Variants in ADAM19 observed in about 807,000 individuals in gnomAD.
ADAM19 encodes disintegrin and metalloproteinase domain-containing protein 19.
Under a neutral mutation model 114.7 loss-of-function variants are expected in ADAM19, and 65 were observed. The observed-to-expected ratio is 0.57, with a 90% CI of 0.46 to 0.70. The LOEUF is 0.70. Ranked by LOEUF, ADAM19 falls within the 30% of genes least tolerant of loss-of-function variation. The pLI is 0.00. For synonymous variants in ADAM19, 466 were observed against 460.5 expected, an observed-to-expected ratio of 1.01 and a Z score of -0.15; for missense variants, 1,063 against 1,204.7, an observed-to-expected ratio of 0.88 and a Z score of 1.74.
rs1317023857 is a variant in ADAM19, at chr5:157,512,459, A to G, written c.738+975T>C. Among the ~76,000 whole-genome samples, 3 of 152,242 alleles carry G rather than the reference A, an allele frequency of 2.0e-5. No homozygotes were observed. In the East Asian group the frequency reaches 5.8e-4, roughly 29 times the overall value. ...TGTTATGAGTATTCTAAAATTGTGC[A>G]ATAAACGTTACCAGATTCTCAAAGA... On this transcript the variant is annotated intron_variant, in intron 8 of 22. Coordinates refer to ENST00000257527, the MANE Select transcript of ADAM19 (RefSeq NM_033274.5).
At chr5:157,498,686 A>ATGTG (rs202157195) in intron 13 of ADAM19, among the ~76,000 whole-genome samples, 9 of 98,090 alleles carry the variant, frequency 9.2e-5, no homozygotes, top group Non-Finnish European at 1.7e-4. Context: ...ACATGTGTGT[A>ATGTG]TGTATATATA....
chr5:157,494,802 G>C lies in ADAM19; in HGVS notation c.1595-7C>G. The stretch of plus-strand genomic sequence containing the variant: ...TCAGGGGCAGGTCGGGCTCCTGGGT[G>C]GGCAAGCAACATCTATCAGTATACT... On this transcript the variant is annotated splice_region_variant and splice_polypyrimidine_tract_variant and intron_variant, in intron 14 of 22. Transcript: ENST00000257527. 1 of 1,612,170 alleles carries C rather than the reference G, an allele frequency of 6.2e-7. No individual in the cohort carries two copies. The highest frequency in any genetic ancestry group is 8.5e-7 in the Non-Finnish European group (1 of 1,178,486).
At chr5:157,522,118 G>A (rs1364381195) in intron 5 of ADAM19, among the ~76,000 whole-genome samples, 1 of 152,200 alleles carries the variant, frequency 6.6e-6, no homozygotes. Context: ...AGATTATAGA[G>A]CCTTTGCTAT....
In ADAM19 at chr5:157,479,313, A is replaced by G; in HGVS notation, c.*1636T>C. On this transcript the variant is annotated 3_prime_UTR_variant, in exon 23 of 23. Coordinates refer to ENST00000257527, the MANE Select transcript of ADAM19 (RefSeq NM_033274.5). The stretch of plus-strand genomic sequence containing the variant: ...GCACCTATTGTGTGCAGAGAACTAT[A>G]AGGAGGCCCTGGGGTGGTGAATCAG... 1.0e-6 allele frequency: 1 copy of G among 985,910 alleles called. No homozygotes were observed. Among genetic ancestry groups the G allele is most frequent in the Non-Finnish European group, 1.2e-6 (1 of 830,006 alleles). 61.1% of individuals were successfully genotyped at this position (985,910 alleles called of 1,614,324 possible).
intron 14 of ADAM19, among the ~76,000 whole-genome samples, chr5:157,495,252 C>T (rs996404223): frequency 1.1e-4 from 17 of 152,076 alleles, no homozygotes; most frequent in East Asian, 1.9e-4. Context: ...CCCCCCGCCT[C>T]GGCCTCCCAA....
At position 157,505,825 on chromosome 5, in the gene ADAM19, G is replaced by C; in HGVS notation, c.991-17C>G. 6.2e-7 allele frequency: 1 copy of C among 1,611,770 alleles called. No individual in the cohort carries two copies. Among genetic ancestry groups the C allele is most frequent in the Non-Finnish European group, 8.5e-7 (1 of 1,178,212 alleles). ...GGAGTGGTCCTGCTCAGAAGACAGA[G>C]TTGAGGTCAAGGTCAAGGGGACAGA... is the stretch of plus-strand genomic sequence containing the variant. On this transcript the variant is annotated splice_polypyrimidine_tract_variant and intron_variant, in intron 10 of 22. Transcript: ENST00000257527.
rs1755842112 is a variant in ADAM19 at position 157,509,328 on chromosome 5, T to C, written c.878A>G (p.Lys293Arg). ...LSWRRKLLAQ[K>R]YHDNAQLITG... ...GATTAATTGGGCGTTGTCATGGTACTTCTGGGCAAGCAGCTTGCGCCTCCA... is the reference window on the plus strand; with the variant it reads ...GATTAATTGGGCGTTGTCATGGTACCTCTGGGCAAGCAGCTTGCGCCTCCA... The change falls in exon 9 of 23, where the codon AAG becomes AGG. Residue 293 changes from lysine to arginine, a missense_variant. Transcript: ENST00000257527. The C allele has an allele frequency of 2.5e-6, 4 of 1,611,684 alleles. No homozygotes were observed. Among genetic ancestry groups the C allele is most frequent in the Middle Eastern group, 1.6e-4 (1 of 6,076 alleles).
At chr5:157,533,452 G>A (rs547485795) in intron 4 of ADAM19, among the ~76,000 whole-genome samples, 8 of 152,222 alleles carry the variant, frequency 5.3e-5, no homozygotes, top group African/African-American at 7.2e-5. Flanking sequence ...CAACCTACCC[G>A]TGGGATCTGG....
intron 8 of ADAM19, among the ~76,000 whole-genome samples, chr5:157,512,456 T>A (rs369473849): frequency 1.3e-5 from 2 of 152,198 alleles, no homozygotes; most frequent in Non-Finnish European, 2.9e-5. Flanking sequence ...TCTAAAATTG[T>A]GCAATAAACG....
rs1411610267 is a variant in ADAM19 at position 157,575,663 on chromosome 5, A to G, written c.34T>C (p.Leu12=). ...PGGAGAARLC[L]LAFALQPLRP... is the part of the protein sequence containing the mutation. ...AGGGGCTGCAGGGCAAACGCCAGCA[A>G]GCAGAGCCGGGCGGCGCCTGCGCCC... is the stretch of plus-strand genomic sequence containing the variant. The change falls in exon 1 of 23, where the codon TTG becomes CTG. Residue 12 remains leucine, a synonymous_variant. Coordinates refer to ENST00000257527, the MANE Select transcript of ADAM19 (RefSeq NM_033274.5). The G allele has an allele frequency of 1.6e-5, 22 of 1,382,110 alleles. No homozygotes were observed. The highest frequency in any genetic ancestry group is 2.0e-5 in the Non-Finnish European group (22 of 1,076,320). 85.6% of individuals were successfully genotyped at this position (1,382,110 alleles called of 1,614,324 possible). A position where few individuals can be genotyped will look rare whatever the true frequency, so the allele number is the denominator to read the frequency against.
At position 157,519,833 on chromosome 5, in the gene ADAM19, A is replaced by G; in HGVS notation, c.600+6T>C. On this transcript the variant is annotated splice_donor_region_variant and intron_variant, in intron 6 of 22. Coordinates refer to ENST00000257527, the MANE Select transcript of ADAM19 (RefSeq NM_033274.5). ...TGATTTCTGCACTGAGAGCCTCAAA[A>G]CTCACCCTGCGAGGTCGCTTCTTGG... 6.2e-7 allele frequency: 1 copy of G among 1,604,706 alleles called. No individual in the cohort carries two copies. Among genetic ancestry groups the G allele is most frequent in the South Asian group, 1.1e-5 (1 of 90,426 alleles).
chr5:157,504,898 T>C (rs1234093011), intron 11 of ADAM19, among the ~76,000 whole-genome samples: 1 of 151,800 alleles, frequency 6.6e-6, no homozygotes, highest in African/African-American at 2.4e-5. Context: ...GGCGGGTGGA[T>C]CACGAGGTCA....
At position 157,530,839 on chromosome 5, in the gene ADAM19, G is replaced by A. The variant is rs1275729088; in HGVS notation, c.375C>T (p.Ser125=). ...CTCGGCAAGTGCTGAGCGTGACGCT[G>A]GACAGTTCTGTCTCCCTCACCGTGC... is the stretch of plus-strand genomic sequence containing the variant. The part of the protein sequence containing the change: ...YHGTVRETEL[S]SVTLSTCRGI... The change falls in exon 5 of 23, where the codon TCC becomes TCT. Residue 125 remains serine (S), a synonymous_variant. Transcript: ENST00000257527. 3.1e-6 allele frequency: 5 copies of A among 1,614,116 alleles called. No individual in the cohort carries two copies. Among genetic ancestry groups the A allele is most frequent in the Non-Finnish European group, 3.4e-6 (4 of 1,180,000 alleles).
At chr5:157,518,967 T>C in intron 6 of ADAM19, 79 bp from the exon 7 acceptor site, 1 of 1,211,184 alleles carries the variant, frequency 8.3e-7, no homozygotes, top group Non-Finnish European at 1.2e-6. Flanking sequence ...GAAACAGAGC[T>C]GCTGGATAAG....
chr5:157,535,050 G>A (rs1561546984), intron 4 of ADAM19, among the ~76,000 whole-genome samples: 1 of 131,902 alleles, frequency 7.6e-6, no homozygotes, highest in Non-Finnish European at 1.7e-5. Flanking sequence ...TAAAATGTGG[G>A]GTTGGAAGAG....
At chr5:157,519,315 C>T (rs1366589613) in intron 6 of ADAM19, among the ~76,000 whole-genome samples, 1 of 152,036 alleles carries the variant, frequency 6.6e-6, no homozygotes, top group Non-Finnish European at 1.5e-5. Context: ...CTTTTTTTCC[C>T]CACTTTTTAA....
intron 15 of ADAM19, among the ~76,000 whole-genome samples, chr5:157,494,333 A>G (rs1755279476): frequency 6.6e-6 from 1 of 152,128 alleles, no homozygotes. Context: ...TGAATGATGA[A>G]TAAATGAATG....
At chr5:157,552,847 T>C (rs568755933) in intron 3 of ADAM19, among the ~76,000 whole-genome samples, 1 of 152,286 alleles carries the variant, frequency 6.6e-6, no homozygotes, top group South Asian at 2.1e-4. Context: ...GGAGTACTAT[T>C]CTGCCATAAA....
intron 8 of ADAM19, among the ~76,000 whole-genome samples, chr5:157,510,053 G>A (rs891817626): frequency 6.6e-6 from 1 of 152,070 alleles, no homozygotes; most frequent in African/African-American, 2.4e-5. Context: ...CTTTCTTATG[G>A]GTATCTAAAA....
Sources: gnomAD v4.1 joint callset for allele counts (sites outside exome capture counted in the v4.1 genomes callset) on GRCh38, gnomAD v4.1.1 for gene constraint, MANE v1.5 for transcripts, NCBI Gene and HGNC (gene_info 2026-07-23, HGNC 2026-07-21) for gene names.